MGAT4C: variants seen among roughly 807,000 people sequenced by gnomAD.
The protein encoded by MGAT4C is alpha-1,3-mannosyl-glycoprotein 4-beta-N-acetylglucosaminyltransferase C.
A neutral mutation model predicts 40.1 loss-of-function variants in MGAT4C; 19 were observed. The observed-to-expected ratio is 0.47, with a 90% CI of 0.33 to 0.70. The LOEUF (loss-of-function observed/expected upper bound fraction) is 0.70, where lower values mean the gene tolerates loss of function less well. Ranked by LOEUF, MGAT4C falls within the 30% of genes least tolerant of loss-of-function variation. The pLI, the probability that MGAT4C is intolerant of heterozygous loss-of-function variation, is 0.02. For synonymous variants in MGAT4C, 181 were observed against 187.1 expected (o/e 0.97, Z 0.27); for missense variants, 491 against 563.2 (o/e 0.87, Z 1.30).
At chr12:86,806,464 ATG>A (rs899441103) in intron 1 of MGAT4C, among the ~76,000 whole-genome samples, 1 of 140,716 alleles carries the variant, frequency 7.1e-6, no homozygotes, top group Non-Finnish European at 1.6e-5. Context: ...GAGAGAGTAT[ATG>A]TGTGTTTATG....
intron 1 of MGAT4C, among the ~76,000 whole-genome samples, chr12:86,824,736 CA>C (rs35714537): frequency 0.021 from 1,278 of 60,252 alleles, 8 homozygotes; most frequent in Middle Eastern, 0.062. Flanking sequence ...ACAGCCAGGC[CA>C]AAAAAAAAAA....
chr12:86,278,205 GT>G (rs1470213248), intron 4 of MGAT4C, among the ~76,000 whole-genome samples: 1 of 80,366 alleles, frequency 1.2e-5, no homozygotes, highest in Non-Finnish European at 2.5e-5. Context: ...TTAAGATGGA[GT>G]TTTGATCTTG....
At chr12:86,560,556 G>A (rs1959812989) in intron 2 of MGAT4C, among the ~76,000 whole-genome samples, 1 of 152,088 alleles carries the variant, frequency 6.6e-6, no homozygotes, top group Non-Finnish European at 1.5e-5. Context: ...CATCTCAATA[G>A]ATGTAGACAA....
chr12:86,473,265 T>C (rs1164302335), intron 2 of MGAT4C, among the ~76,000 whole-genome samples: 1 of 152,044 alleles, frequency 6.6e-6, no homozygotes, highest in Non-Finnish European at 1.5e-5. Flanking sequence ...CCTGATTTCT[T>C]TTTTGTGTGT....
chr12:86,588,005 G>A (rs1466507913), intron 2 of MGAT4C, among the ~76,000 whole-genome samples: 1 of 152,026 alleles, frequency 6.6e-6, no homozygotes, highest in African/African-American at 2.4e-5. Flanking sequence ...AGTGGTGAGA[G>A]AGGGCATCCC....
chr12:86,053,545 C>A (rs549203677), intron 1 of MGAT4C, among the ~76,000 whole-genome samples: 8 of 151,496 alleles, frequency 5.3e-5, no homozygotes, highest in Middle Eastern at 6.8e-3. Flanking sequence ...AGATTAAGAC[C>A]CCAAAAGCAT....
chr12:86,743,581 G>A (rs1458410051), intron 1 of MGAT4C, among the ~76,000 whole-genome samples: 2 of 151,516 alleles, frequency 1.3e-5, no homozygotes, highest in Non-Finnish European at 1.5e-5. Flanking sequence ...TAGCCGGATA[G>A]TATGAAATAA....
chr12:86,373,133 TCACAAGTGAGAAGTCTG>T (rs1476926872), intron 3 of MGAT4C, among the ~76,000 whole-genome samples: 1 of 151,888 alleles, frequency 6.6e-6, no homozygotes, highest in Admixed American at 6.6e-5. Context: ...TACTATACTC[TCACAAGTGAGAAGTCTG>T]AAGCTAAGAG....
At chr12:86,131,510 T>A (rs1471559892) in intron 1 of MGAT4C, among the ~76,000 whole-genome samples, 1 of 152,106 alleles carries the variant, frequency 6.6e-6, no homozygotes, top group Admixed American at 6.6e-5. Context: ...TAATTAAAAG[T>A]TATGCTGAAT....
At chr12:86,316,079 C>CAAAAAAAAAAAAAAAAAA (rs71076185) in intron 4 of MGAT4C, among the ~76,000 whole-genome samples, 2 of 34,062 alleles carry the variant, frequency 5.9e-5, no homozygotes, top group Non-Finnish European at 5.0e-5. Context: ...ATACAAGCAG[C>CAAAAAAAAAAAAAAAAAA]AAAAAAAAAA....
At chr12:86,830,448 C>G (rs1417752496) in intron 1 of MGAT4C, among the ~76,000 whole-genome samples, 2 of 151,722 alleles carry the variant, frequency 1.3e-5, no homozygotes, top group Non-Finnish European at 2.9e-5. Context: ...ATCCATGACT[C>G]TATGTGTACA....
intron 1 of MGAT4C, among the ~76,000 whole-genome samples, chr12:86,833,753 TTTTTGTTTGTTTG>T (rs1371671740): frequency 1.3e-5 from 2 of 151,956 alleles, no homozygotes. Flanking sequence ...TCTGTCTGTT[TTTTTGTTTGTTTG>T]TTTTGTTTGT....
chr12:86,350,258 G>T (rs1281863975), intron 3 of MGAT4C, among the ~76,000 whole-genome samples: 1 of 152,012 alleles, frequency 6.6e-6, no homozygotes, highest in Non-Finnish European at 1.5e-5. Context: ...ACCCTCTCTT[G>T]CTGCCTGGTA....
At chr12:86,744,338 G>A (rs960122293) in intron 1 of MGAT4C, among the ~76,000 whole-genome samples, 3 of 151,548 alleles carry the variant, frequency 2.0e-5, no homozygotes, top group Admixed American at 6.6e-5. Flanking sequence ...GACAGTAAAG[G>A]TTTGTTTTCT....
chr12:86,459,637 G>A (rs530448529), intron 2 of MGAT4C, among the ~76,000 whole-genome samples: 2 of 150,994 alleles, frequency 1.3e-5, no homozygotes, highest in East Asian at 2.0e-4. Flanking sequence ...CTGGTAATAC[G>A]CTGAGAAAAG....
chr12:86,061,466 T>C (rs544533270), intron 1 of MGAT4C, among the ~76,000 whole-genome samples: 1 of 58,694 alleles, frequency 1.7e-5, no homozygotes, highest in African/African-American at 8.3e-5. Flanking sequence ...TGCAGGAGTT[T>C]TTTTTTTGTT....
intron 1 of MGAT4C, among the ~76,000 whole-genome samples, chr12:86,175,021 A>G (rs949031410): frequency 6.6e-6 from 1 of 152,126 alleles, no homozygotes; most frequent in Admixed American, 6.6e-5. Context: ...AAATTTCTAT[A>G]TGAGAATGTC....
Position 86,131,974 on chromosome 12 carries a change from A to G in MGAT4C, c.-56-82251T>C, listed in dbSNP as rs149580134. On this transcript the variant is annotated intron_variant, in intron 1 of 4. Coordinates refer to ENST00000611864, the MANE Select transcript of MGAT4C (RefSeq NM_001351288.2). ...AACGAGAATAGATAACACTAAAGGC[A>G]GTAAAATTATAAATGACACAAGTGA... is the stretch of plus-strand genomic sequence containing the variant. Among the ~76,000 whole-genome samples, 845 of 152,312 alleles carry G rather than the reference A, an allele frequency of 5.5e-3. 10 individuals carry two copies. The highest frequency in any genetic ancestry group is 0.019 in the African/African-American group (807 of 41,592).
intron 1 of MGAT4C, among the ~76,000 whole-genome samples, chr12:86,190,666 GTAAA>G (rs1008857360): frequency 3.0e-4 from 46 of 151,850 alleles, no homozygotes; most frequent in South Asian, 2.1e-4. Flanking sequence ...TTACTTCTAA[GTAAA>G]TACTCTGTGA....
Sources: allele counts gnomAD v4.1 joint callset (sites outside exome capture counted in the v4.1 genomes callset), GRCh38; gene constraint gnomAD v4.1.1; transcripts MANE v1.5; gene names NCBI Gene and HGNC (gene_info 2026-07-23, HGNC 2026-07-21).